The following DSCAML1 variants were observed in gnomAD, a reference collection of about 807,000 sequenced individuals.
DSCAML1 encodes the protein cell adhesion molecule DSCAML1.
Under a neutral mutation model 200.5 loss-of-function variants are expected in DSCAML1, and 38 were observed. That is an observed-to-expected ratio of 0.19 (90% confidence interval 0.15 to 0.25). The LOEUF (loss-of-function observed/expected upper bound fraction) is 0.25, where lower values mean the gene tolerates loss of function less well. DSCAML1 is among the 10% of genes least tolerant of loss of function. DSCAML1 has a pLI of 1.00. For missense variants in DSCAML1, 2,223 were observed against 2,858.8 expected (o/e 0.78, Z 5.07); for synonymous variants, 1,215 against 1,165.0 (o/e 1.04, Z -0.87).
intron 4 of DSCAML1, among the ~76,000 whole-genome samples, chr11:117,531,513 T>C (rs1030969405): frequency 3.3e-5 from 5 of 152,150 alleles, no homozygotes; most frequent in African/African-American, 1.2e-4. Flanking sequence ...ATATTTTGTT[T>C]ATAAATTATG....
intron 3 of DSCAML1, among the ~76,000 whole-genome samples, chr11:117,675,977 T>C (rs2053204472): frequency 1.3e-5 from 2 of 152,032 alleles, no homozygotes; most frequent in Admixed American, 6.6e-5. Context: ...GGGCTGGGGA[T>C]GTGAAGGGGA....
intron 3 of DSCAML1, among the ~76,000 whole-genome samples, chr11:117,776,470 G>A (rs1016894024): frequency 8.6e-5 from 13 of 151,808 alleles, no homozygotes; most frequent in African/African-American, 1.5e-4. Context: ...CTTGCCTCCC[G>A]TCCCTCAGGG....
At chr11:117,732,836 T>A (rs2054247101) in intron 3 of DSCAML1, among the ~76,000 whole-genome samples, 1 of 152,086 alleles carries the variant, frequency 6.6e-6, no homozygotes, top group Non-Finnish European at 1.5e-5. Flanking sequence ...AAATTATGCA[T>A]GACTAACTCG....
rs2054991705 is a variant in DSCAML1 at position 117,769,489 on chromosome 11, TTTATATATATAA to T, written c.511+7290_511+7301del. On this transcript the variant is annotated intron_variant, in intron 3 of 32. Transcript: ENST00000651296. ...TATATTTTATATATATAATATATAT[TTTATATATATAA>T]TATATATTTTATATATATTATATAT... Among the ~76,000 whole-genome samples the T allele has an allele frequency of 5.5e-5, 5 of 91,266 alleles. No homozygotes were observed. The South Asian group carries it at 7.7e-4, about 14-fold the overall frequency. The allele number at this position is 91,266 out of a possible 152,430, so 59.9% of individuals were successfully genotyped here.
chr11:117,645,667 G>A (rs936014049), intron 3 of DSCAML1, among the ~76,000 whole-genome samples: 2 of 146,172 alleles, frequency 1.4e-5, no homozygotes, highest in South Asian at 2.1e-4. Context: ...ACCAAACACC[G>A]CATATTCTCA....
intron 14 of DSCAML1, 133 bp from the exon 15 acceptor site, chr11:117,472,169 C>A: frequency 1.0e-6 from 1 of 977,408 alleles, no homozygotes; most frequent in Non-Finnish European, 1.5e-6. Context: ...GCAGAGAGGG[C>A]ACAGGCCTGA....
chr11:117,433,348 C>T (rs1043601989), intron 28 of DSCAML1, 92 bp from the exon 29 acceptor site: 4 of 1,577,334 alleles, frequency 2.5e-6, no homozygotes, highest in Admixed American at 3.6e-5. Context: ...AGAAGCCTGC[C>T]TCCTATTCTG....
intron 3 of DSCAML1, among the ~76,000 whole-genome samples, chr11:117,762,362 C>T (rs1261356294): frequency 6.6e-6 from 1 of 152,156 alleles, no homozygotes; most frequent in South Asian, 2.1e-4. Context: ...TGTGACAGTG[C>T]CTGGCATAGT....
chr11:117,660,186 A>C (rs986861301), intron 3 of DSCAML1, among the ~76,000 whole-genome samples: 7 of 152,114 alleles, frequency 4.6e-5, no homozygotes, highest in African/African-American at 1.7e-4. Flanking sequence ...GTCCCCTCCT[A>C]GGGCCTGAGT....
chr11:117,468,981 G>C (rs1339518554), intron 16 of DSCAML1, among the ~76,000 whole-genome samples: 2 of 152,138 alleles, frequency 1.3e-5, no homozygotes, highest in Non-Finnish European at 2.9e-5. Context: ...TGTTGAGATG[G>C]GAAAGCTCCA....
chr11:117,565,869 C>T (rs2050747279), intron 3 of DSCAML1, among the ~76,000 whole-genome samples: 1 of 152,192 alleles, frequency 6.6e-6, no homozygotes, highest in Non-Finnish European at 1.5e-5. Flanking sequence ...CGGTGCAGAC[C>T]CTGTCCTCTG....
intron 3 of DSCAML1, among the ~76,000 whole-genome samples, chr11:117,678,978 G>A (rs1432160498): frequency 3.3e-5 from 5 of 152,230 alleles, no homozygotes; most frequent in Non-Finnish European, 7.4e-5. Context: ...AGGTTCAAGC[G>A]GAGAACATCT....
At position 117,753,777 on chromosome 11, in the gene DSCAML1, C is replaced by T. The variant is rs528812664; in HGVS notation, c.511+23014G>A. Among the ~76,000 whole-genome samples the T allele has an allele frequency of 3.9e-4, 60 of 152,314 alleles. No homozygotes were observed. The South Asian group carries it at 9.7e-3, about 25-fold the overall frequency. ...CTTAGTTAGACATGGCTGTCACTCACGCTGCATGTTGCCAGAACCTAGAAA... is the reference window on the plus strand; with the variant it reads ...CTTAGTTAGACATGGCTGTCACTCATGCTGCATGTTGCCAGAACCTAGAAA... On this transcript the variant is annotated intron_variant, in intron 3 of 32. Coordinates refer to ENST00000651296, the MANE Select transcript of DSCAML1 (RefSeq NM_020693.4).
intron 3 of DSCAML1, among the ~76,000 whole-genome samples, chr11:117,714,810 G>T (rs1459043392): frequency 1.0e-5 from 1 of 99,810 alleles, no homozygotes. Context: ...AGACAAGAGT[G>T]AAACTTCATC....
At chr11:117,537,019 A>C (rs1000136630) in intron 3 of DSCAML1, among the ~76,000 whole-genome samples, 1 of 152,248 alleles carries the variant, frequency 6.6e-6, no homozygotes, top group African/African-American at 2.4e-5. Context: ...GAGAAGTTAC[A>C]TAATCCATCC....
rs1241671446 is a variant in DSCAML1, at chr11:117,480,592, G to A, written c.2657-21C>T. On this transcript the variant is annotated intron_variant, in intron 13 of 32. Transcript: ENST00000651296. The surrounding 1 kb of genome is among the most constrained non-coding windows in gnomAD (Gnocchi z 4.1). ...GGGCTCTAGGGTGCGGCAGTGGAGGGGAGGGAAGTGAGGAGGGCAGCAGGG... is the reference window on the plus strand; with the variant it reads ...GGGCTCTAGGGTGCGGCAGTGGAGGAGAGGGAAGTGAGGAGGGCAGCAGGG... 1.8e-5 allele frequency: 28 copies of A among 1,551,984 alleles called. No individual in the cohort carries two copies. The highest frequency in any genetic ancestry group is 2.2e-5 in the Non-Finnish European group (25 of 1,147,490).
At chr11:117,564,623 G>C (rs1283171309) in intron 3 of DSCAML1, among the ~76,000 whole-genome samples, 1 of 151,974 alleles carries the variant, frequency 6.6e-6, no homozygotes, top group Non-Finnish European at 1.5e-5. Flanking sequence ...TCAAGGCTCT[G>C]CTCAAACCTC....
intron 4 of DSCAML1, among the ~76,000 whole-genome samples, chr11:117,525,616 C>T (rs1175649406): frequency 1.3e-5 from 2 of 152,112 alleles, no homozygotes; most frequent in Non-Finnish European, 2.9e-5. Flanking sequence ...CGCACCACCA[C>T]ACCCAGCTAT....
At position 117,471,880 on chromosome 11, in the gene DSCAML1, G is replaced by A. The variant is rs1259286271; in HGVS notation, c.2942C>T (p.Thr981Ile). The A allele has an allele frequency of 1.3e-6, 2 of 1,572,522 alleles. No homozygotes were observed. Among genetic ancestry groups the A allele is most frequent in the South Asian group, 1.1e-5 (1 of 87,178 alleles). The stretch of plus-strand genomic sequence containing the variant: ...GGTGAGGTGCTCACCGGCCTCCTCA[G>A]TGCTGATGGTGAGCTCCTTGCTTGG... ...SEPSKELTIS[T>I]EEAAPDGPPM... The change falls in exon 15 of 33, where the codon ACT becomes ATT. Residue 981 changes from threonine to isoleucine, a missense_variant. Physicochemically the swap from Thr to Ile is moderately conservative, Grantham distance 89. Around this residue, in one of 7 missense-constraint regions of DSCAML1, gnomAD observed 438 missense variants for 629.7 expected, o/e 0.70. Transcript: ENST00000651296.
Sources: gnomAD v4.1 joint callset for allele counts (sites outside exome capture counted in the v4.1 genomes callset) on GRCh38, gnomAD v4.1.1 for gene constraint, gnomAD v4.1.1 regional missense constraint, Gnocchi (gnomAD v3.1) non-coding constraint, MANE v1.5 for transcripts, NCBI Gene and HGNC (gene_info 2026-07-23, HGNC 2026-07-21) for gene names.